The following MGMT variants were observed in gnomAD, a reference collection of about 807,000 sequenced individuals.
MGMT encodes the protein methylated-DNA--protein-cysteine methyltransferase.
A neutral mutation model predicts 15.9 loss-of-function variants in MGMT; 14 were observed. The observed-to-expected ratio is 0.88, with a 90% CI of 0.58 to 1.37. The LOEUF (loss-of-function observed/expected upper bound fraction) is 1.37, where lower values mean the gene tolerates loss of function less well. Among genes scored for constraint, MGMT ranks in the 40% most tolerant of loss-of-function variants. The pLI, the probability that MGMT is intolerant of heterozygous loss-of-function variation, is 0.00. For missense variants in MGMT, 282 were observed against 268.1 expected (o/e 1.05, Z -0.36); for synonymous variants, 130 against 118.2 (o/e 1.10, Z -0.65).
chr10:129,675,340 T>G (rs934224784), intron 2 of MGMT, among the ~76,000 whole-genome samples: 4 of 152,188 alleles, frequency 2.6e-5, no homozygotes, highest in African/African-American at 9.7e-5. Flanking sequence ...GGCCAGTTAC[T>G]GGACCATCAT....
At chr10:129,543,622 G>T (rs759447576) in intron 2 of MGMT, among the ~76,000 whole-genome samples, 1 of 152,168 alleles carries the variant, frequency 6.6e-6, no homozygotes, top group Non-Finnish European at 1.5e-5. Context: ...AGTGGTGGCA[G>T]CCAGGTGGAT....
At chr10:129,743,947 C>T (rs1017706679) in intron 3 of MGMT, among the ~76,000 whole-genome samples, 9 of 152,196 alleles carry the variant, frequency 5.9e-5, no homozygotes, top group African/African-American at 1.9e-4. Context: ...GGCCCCGCAG[C>T]GCTCATGCTG....
chr10:129,612,826 A>G (rs929820675), intron 2 of MGMT, among the ~76,000 whole-genome samples: 1 of 152,132 alleles, frequency 6.6e-6, no homozygotes, highest in Non-Finnish European at 1.5e-5. Flanking sequence ...AGGTATTTTT[A>G]TTTCTTTAAA....
intron 3 of MGMT, among the ~76,000 whole-genome samples, chr10:129,742,928 A>G (rs547748730): frequency 1.3e-5 from 2 of 152,346 alleles, no homozygotes; most frequent in African/African-American, 4.8e-5. Flanking sequence ...GCAGCTGCCC[A>G]TGCTCAGAGC....
At chr10:129,596,674 A>T (rs1340090578) in intron 2 of MGMT, among the ~76,000 whole-genome samples, 1 of 152,236 alleles carries the variant, frequency 6.6e-6, no homozygotes, top group African/African-American at 2.4e-5. Flanking sequence ...ATAGGATTGC[A>T]CCTGCTTTTG....
chr10:129,674,727 A>G (rs1349648293), intron 2 of MGMT, among the ~76,000 whole-genome samples: 1 of 152,202 alleles, frequency 6.6e-6, no homozygotes, highest in Non-Finnish European at 1.5e-5. Context: ...GGATGCCCCC[A>G]GCTTTCGCCT....
Position 129,690,982 on chromosome 10 carries a change from A to T in MGMT, c.126-16913A>T, listed in dbSNP as rs193261747. Among the ~76,000 whole-genome samples, 18 of 152,262 alleles carry T rather than the reference A, an allele frequency of 1.2e-4. 1 individual carries two copies. Among genetic ancestry groups the T allele is most frequent in the Admixed American group, 1.0e-3 (16 of 15,300 alleles). ...TGGCAGGTTCTCTGGATGTGACTGG[A>T]GTGTGAAGAGGCCAGTTTAGAGGCT... On this transcript the variant is annotated intron_variant, in intron 2 of 4. Transcript: ENST00000651593.
At chr10:129,733,493 C>A (rs1004981993) in intron 3 of MGMT, among the ~76,000 whole-genome samples, 1 of 148,390 alleles carries the variant, frequency 6.7e-6, no homozygotes, top group Non-Finnish European at 1.5e-5. Context: ...CGAAAATTTT[C>A]TCCCATTTTG....
chr10:129,745,451 C>T (rs151087778), intron 3 of MGMT, among the ~76,000 whole-genome samples: 189 of 152,190 alleles, frequency 1.2e-3, no homozygotes, highest in Admixed American at 2.2e-3. Context: ...TCTCCAACAC[C>T]GTGGCTTTGT....
rs964067852 is a variant in MGMT, at chr10:129,522,924, CAT to C, written c.-12-13316_-12-13315del. ...TCCGTCAGATCTTCTTGTGTTCGCA[CAT>C]GTTACCTATTCTCTAAGAAGTCAGT... On this transcript the variant is annotated intron_variant, in intron 1 of 4. Transcript: ENST00000651593. 3.3e-5 allele frequency among the ~76,000 whole-genome samples: 5 copies of C among 152,352 alleles called. No individual in the cohort carries two copies. The South Asian group carries it at 6.2e-4, about 19-fold the overall frequency.
At chr10:129,694,134 C>T (rs1029565196) in intron 2 of MGMT, 1 of 152,262 alleles carries the variant, frequency 6.6e-6, no homozygotes, top group Non-Finnish European at 1.5e-5. Flanking sequence ...TTGAATGGCG[C>T]CTTTGAGTTC....
rs374459297 is a variant in MGMT at position 129,738,937 on chromosome 10, A to G, written c.275-20265A>G. Among the ~76,000 whole-genome samples, 107 of 152,380 alleles carry G rather than the reference A, an allele frequency of 7.0e-4. 1 individual carries two copies. The highest frequency in any genetic ancestry group is 2.4e-3 in the African/African-American group (100 of 41,592). ...GCTGGCAAACCGAATCCAGCAGCAC[A>G]TCAAAAAGTTTATCCACCACCATCA... is the stretch of plus-strand genomic sequence containing the variant. On this transcript the variant is annotated intron_variant, in intron 3 of 4. Coordinates refer to ENST00000651593, the MANE Select transcript of MGMT (RefSeq NM_002412.5).
In MGMT at chr10:129,759,270, C is replaced by T. The variant is rs763354641; in HGVS notation, c.343C>T (p.Gln115Ter). The T allele has an allele frequency of 6.2e-7, 1 of 1,614,158 alleles. No homozygotes were observed. Among genetic ancestry groups the T allele is most frequent in the East Asian group, 2.2e-5 (1 of 44,876 alleles). Residue 115 changes from glutamine (Q) to a stop codon, truncating the protein, a stop_gained, in exon 4 of 5, where the codon CAG becomes TAG. Coordinates refer to ENST00000651593, the MANE Select transcript of MGMT (RefSeq NM_002412.5). LOFTEE classifies it high-confidence loss of function. Reference protein sequence around the residue: ...VVKFGEVISYQQLAALAGNPK... With the variant: ...VVKFGEVISY The stretch of plus-strand genomic sequence containing the variant: ...GAAATTCGGAGAAGTGATTTCTTAC[C>T]AGCAATTAGCAGCCCTGGCAGGCAA...
chr10:129,644,884 A>G (rs1847368748), intron 2 of MGMT, among the ~76,000 whole-genome samples: 1 of 151,994 alleles, frequency 6.6e-6, no homozygotes, highest in Non-Finnish European at 1.5e-5. Context: ...ACATCTCTTC[A>G]CTGCGTGGCA....
intron 2 of MGMT, among the ~76,000 whole-genome samples, chr10:129,600,907 A>G (rs1315704329): frequency 2.0e-5 from 3 of 152,222 alleles, no homozygotes; most frequent in Non-Finnish European, 2.9e-5. Context: ...GAGAAATTGG[A>G]TATTTCAAAA....
At chr10:129,571,241 T>C (rs1846413710) in intron 2 of MGMT, among the ~76,000 whole-genome samples, 1 of 152,188 alleles carries the variant, frequency 6.6e-6, no homozygotes, top group Non-Finnish European at 1.5e-5. Context: ...CTGTCAACAT[T>C]TCTAATCAAA....
rs536802591 is a variant in MGMT, at chr10:129,636,587, G to A, written c.126-71308G>A. On this transcript the variant is annotated intron_variant, in intron 2 of 4. Transcript: ENST00000651593. ...GTTTTGAATAGAAGTCGTGATAATG[G>A]GCATTCTTGTCTTGTTACTAAATTT... Among the ~76,000 whole-genome samples, 1,060 of 152,222 alleles carry A rather than the reference G, an allele frequency of 7.0e-3. 3 individuals are homozygous for A. The highest frequency in any genetic ancestry group is 9.9e-3 in the Non-Finnish European group (674 of 68,014).
intron 3 of MGMT, among the ~76,000 whole-genome samples, chr10:129,719,840 G>C (rs1261544128): frequency 6.6e-6 from 1 of 152,156 alleles, no homozygotes; most frequent in Non-Finnish European, 1.5e-5. Context: ...GGGGACAGTA[G>C]TAACAATGTG....
chr10:129,597,354 C>T (rs1176904665), intron 2 of MGMT, among the ~76,000 whole-genome samples: 2 of 152,148 alleles, frequency 1.3e-5, no homozygotes, highest in African/African-American at 2.4e-5. Flanking sequence ...ACTTCTCAGA[C>T]ATTACAGTTA....
Sources: gnomAD v4.1 joint callset for allele counts (sites outside exome capture counted in the v4.1 genomes callset) on GRCh38, gnomAD v4.1.1 for gene constraint, MANE v1.5 for transcripts, NCBI Gene and HGNC (gene_info 2026-07-23, HGNC 2026-07-21) for gene names.